SGCD: variants seen among roughly 807,000 people sequenced by gnomAD.
SGCD encodes sarcoglycan delta.
A neutral mutation model predicts 36.6 loss-of-function variants in SGCD; 18 were observed. The ratio of observed to expected loss-of-function variants is 0.49; its 90% CI spans 0.34 to 0.73. The LOEUF is 0.73. Ranked by LOEUF, SGCD falls within the 30% of genes least tolerant of loss-of-function variation. The pLI, the probability that SGCD is intolerant of heterozygous loss-of-function variation, is 0.01. For missense variants in SGCD, 387 were observed against 346.7 expected (o/e 1.12, Z -0.92); for synonymous variants, 133 against 130.6 (o/e 1.02, Z -0.12).
chr5:156,050,400 T>A lies in SGCD; in HGVS notation c.-281-67478T>A, dbSNP rs1394489361. On this transcript the variant is annotated intron_variant, in intron 1 of 9. Transcript: ENST00000517913. ...CTTTAAATTATAAAGGGTACATTTT[T>A]TATACCTAATGCTATTGCATACTTA... Among the ~76,000 whole-genome samples the A allele has an allele frequency of 4.1e-5, 6 of 146,676 alleles. 1 individual carries two copies. The highest frequency in any genetic ancestry group is 6.2e-5 in the Non-Finnish European group (4 of 65,020).
chr5:155,747,073 C>T, the SGCD span, among the ~76,000 whole-genome samples: 122,506 of 152,166 alleles, frequency 0.81, 50,228 homozygotes, highest in African/African-American at 0.94. Flanking sequence ...TGTCTGGCCA[C>T]CTGCCTACTC....
chr5:156,289,696 T>A (rs1766707011), intron 3 of SGCD, among the ~76,000 whole-genome samples: 1 of 152,120 alleles, frequency 6.6e-6, no homozygotes, highest in Non-Finnish European at 1.5e-5. Flanking sequence ...ATTTTTAATT[T>A]TTATAAAGAC....
At chr5:156,342,771 A>T (rs1162899621) in intron 2 of SGCD, among the ~76,000 whole-genome samples, 2 of 152,198 alleles carry the variant, frequency 1.3e-5, no homozygotes, top group Non-Finnish European at 2.9e-5. Flanking sequence ...TACAAACAAG[A>T]ACTTGCCCAT....
chr5:156,752,922 G>A (rs905761781), intron 7 of SGCD, among the ~76,000 whole-genome samples: 6 of 152,006 alleles, frequency 3.9e-5, no homozygotes, highest in Admixed American at 6.6e-5. Context: ...TTACTGTTCT[G>A]GGAATGTCAT....
At chr5:155,901,029 T>C (rs1489535583) in intron 1 of SGCD, among the ~76,000 whole-genome samples, 1 of 152,068 alleles carries the variant, frequency 6.6e-6, no homozygotes, top group African/African-American at 2.4e-5. Flanking sequence ...ATTTAAAAAA[T>C]AGGCCAGTCG....
At chr5:156,183,396 A>G (rs1278654976) in intron 3 of SGCD, among the ~76,000 whole-genome samples, 1 of 152,178 alleles carries the variant, frequency 6.6e-6, no homozygotes, top group Middle Eastern at 3.2e-3. Context: ...TAATACAATA[A>G]TAACTATTAT....
At chr5:156,548,076 T>G (rs991429273) in intron 4 of SGCD, among the ~76,000 whole-genome samples, 1 of 152,198 alleles carries the variant, frequency 6.6e-6, no homozygotes, top group Non-Finnish European at 1.5e-5. Flanking sequence ...TCTAACTGCT[T>G]CTTTATTTAT....
At chr5:156,071,665 T>A (rs1191730047) in intron 1 of SGCD, among the ~76,000 whole-genome samples, 19 of 152,240 alleles carry the variant, frequency 1.2e-4, no homozygotes, top group Admixed American at 9.2e-4. Flanking sequence ...TGCAGAGCTG[T>A]GTTCAATTCC....
chr5:156,119,371 T>C (rs1189912591), intron 2 of SGCD, among the ~76,000 whole-genome samples: 3 of 152,138 alleles, frequency 2.0e-5, no homozygotes, highest in Non-Finnish European at 4.4e-5. Context: ...TTCCTAGTTA[T>C]GTGATTTCAA....
chr5:156,141,801 G>T (rs1489972675), intron 3 of SGCD, among the ~76,000 whole-genome samples: 2 of 152,176 alleles, frequency 1.3e-5, no homozygotes, highest in Non-Finnish European at 2.9e-5. Context: ...TAAGAAAATA[G>T]GAGCTTAAGA....
intron 3 of SGCD, among the ~76,000 whole-genome samples, chr5:156,400,259 G>A (rs1772072324): frequency 6.6e-6 from 1 of 152,172 alleles, no homozygotes; most frequent in African/African-American, 2.4e-5. Flanking sequence ...TAATGCTGCT[G>A]CTATTGGTGA....
chr5:156,634,231 A>C (rs1003450451), intron 6 of SGCD, among the ~76,000 whole-genome samples: 1 of 151,742 alleles, frequency 6.6e-6, no homozygotes, highest in African/African-American at 2.4e-5. Flanking sequence ...ACCTTCTGTT[A>C]TAAAACTCCA....
intron 1 of SGCD, among the ~76,000 whole-genome samples, chr5:155,916,202 T>A (rs778691156): frequency 2.0e-5 from 3 of 152,154 alleles, no homozygotes; most frequent in Non-Finnish European, 4.4e-5. Context: ...TGAGCCTTTT[T>A]TGTAGATGTT....
At chr5:155,807,835 G>T in the SGCD span, among the ~76,000 whole-genome samples, 1 of 152,206 alleles carries the variant, frequency 6.6e-6, no homozygotes, top group African/African-American at 2.4e-5. Context: ...ACTCTTTATG[G>T]AGAGAGGATA....
At chr5:156,630,549 A>G (rs1419472083) in intron 6 of SGCD, among the ~76,000 whole-genome samples, 2 of 152,232 alleles carry the variant, frequency 1.3e-5, no homozygotes, top group Non-Finnish European at 2.9e-5. Flanking sequence ...AGATACTGTC[A>G]TAGACCATTG....
chr5:156,090,504 A>G (rs1046506664), intron 1 of SGCD, among the ~76,000 whole-genome samples: 2 of 152,178 alleles, frequency 1.3e-5, no homozygotes, highest in East Asian at 1.9e-4. Flanking sequence ...GCAATAAAAG[A>G]TCACAAGGCA....
At chr5:156,487,528 G>A (rs759188487) in intron 3 of SGCD, among the ~76,000 whole-genome samples, 112 of 152,136 alleles carry the variant, frequency 7.4e-4, no homozygotes, top group Admixed American at 9.8e-4. Flanking sequence ...GGTGGCTCAC[G>A]CCTGTAATCC....
the SGCD span, among the ~76,000 whole-genome samples, chr5:155,747,172 A>G: frequency 6.6e-6 from 1 of 152,210 alleles, no homozygotes; most frequent in Non-Finnish European, 1.5e-5. Flanking sequence ...ATAAGGTAAC[A>G]CAACATATTC....
the SGCD span, among the ~76,000 whole-genome samples, chr5:155,834,733 T>C: frequency 6.6e-6 from 1 of 152,156 alleles, no homozygotes; most frequent in East Asian, 1.9e-4. Flanking sequence ...TGCATTTCTC[T>C]CCTACACCAA....
Sources: gnomAD v4.1 joint callset for allele counts (sites outside exome capture counted in the v4.1 genomes callset) on GRCh38, gnomAD v4.1.1 for gene constraint, MANE v1.5 for transcripts, NCBI Gene and HGNC (gene_info 2026-07-23, HGNC 2026-07-21) for gene names.